The following MX1 variants were observed in gnomAD, a reference collection of about 807,000 sequenced individuals.
MX1 encodes the protein interferon-induced GTP-binding protein Mx1.
Under a neutral mutation model 66.4 loss-of-function variants are expected in MX1, and 66 were observed. That is an observed-to-expected ratio of 0.99 (90% CI 0.82 to 1.22). The LOEUF (loss-of-function observed/expected upper bound fraction) is 1.22, where lower values mean the gene tolerates loss of function less well. Among genes scored for constraint, MX1 ranks in the 50% most tolerant of loss-of-function variants. The pLI, the probability that MX1 is intolerant of heterozygous loss-of-function variation, is 0.00. For missense variants in MX1, 787 were observed against 834.3 expected (o/e 0.94, Z 0.70); for synonymous variants, 311 against 318.1 (o/e 0.98, Z 0.24).
At chr21:41,426,977 C>CG (rs1435793485) in intron 1 of MX1, 1 of 152,258 alleles carries the variant, frequency 6.6e-6, no homozygotes, top group African/African-American at 2.4e-5. Flanking sequence ...AGGACAGTCC[C>CG]GGGGGTGGCA....
intron 11 of MX1, among the ~76,000 whole-genome samples, chr21:41,445,126 A>G (rs1397673506): frequency 1.3e-5 from 2 of 152,182 alleles, no homozygotes; most frequent in African/African-American, 2.4e-5. Flanking sequence ...GTCTCCCTCC[A>G]GAGAGTTTAC....
At chr21:41,442,003 T>C (rs2090530784) in intron 10 of MX1, 89 bp downstream of exon 10, 9 of 1,034,648 alleles carry the variant, frequency 8.7e-6, no homozygotes, top group Non-Finnish European at 1.3e-5. Flanking sequence ...CACAGATGTG[T>C]GGAGTGTGTG....
At chr21:41,426,602 GC>G in intron 1 of MX1, 1 of 152,338 alleles carries the variant, frequency 6.6e-6, no homozygotes, top group Non-Finnish European at 1.5e-5. Context: ...ACTCTAGTAA[GC>G]GGGGAAGGGC....
chr21:41,423,686 T>C (rs1267167357), upstream of MX1, among the ~76,000 whole-genome samples: 1 of 152,134 alleles, frequency 6.6e-6, no homozygotes, highest in East Asian at 1.9e-4. Context: ...ACATGCTCAG[T>C]AGACAGGAGC....
chr21:41,430,898 A>G (rs2090191785), intron 4 of MX1, among the ~76,000 whole-genome samples: 1 of 152,262 alleles, frequency 6.6e-6, no homozygotes, highest in Non-Finnish European at 1.5e-5. Context: ...GAAAGAGCAT[A>G]AAAGATTTAG....
rs142550630 is a variant in MX1 at position 41,458,688 on chromosome 21, G to A, written c.1919G>A (p.Arg640Gln). The change falls in exon 17 of 17, where the codon CGG becomes CAG. Residue 640 changes from arginine (R) to glutamine (Q), a missense_variant. Arg to Gln is a conservative substitution (Grantham distance 43, BLOSUM62 1). Transcript: ENST00000398598. ...GAGCGGAGCGACACCAGCGACAAGC[G>A]GAAGTTCCTGAAGGAGCGGCTTGCA... ...LKERSDTSDK[R>Q]KFLKERLARL... The A allele has an allele frequency of 4.3e-6, 7 of 1,614,052 alleles. No individual in the cohort carries two copies. The highest frequency in any genetic ancestry group is 2.7e-5 in the African/African-American group (2 of 74,948).
chr21:41,446,085 G>T lies in MX1; in HGVS notation c.1217G>T (p.Arg406Ile), dbSNP rs1294667815. Residue 406 changes from arginine (R) to isoleucine (I), a missense_variant, in exon 13 of 17, where the codon AGA (arginine) becomes ATA (isoleucine). Arg to Ile is a moderately conservative substitution (Grantham distance 97). Coordinates refer to ENST00000398598, the MANE Select transcript of MX1 (RefSeq NM_002462.5). ...GAGGAAGACATTCGGCTGTTTACCA[G>T]ACTCCGACACGAGTTCCACAAATGG... is the stretch of plus-strand genomic sequence containing the variant. ...VGEEDIRLFT[R>I]LRHEFHKWST... 1 of 1,614,072 alleles carries T rather than the reference G, an allele frequency of 6.2e-7. No homozygotes were observed. Among genetic ancestry groups the T allele is most frequent in the African/African-American group, 1.3e-5 (1 of 74,920 alleles).
rs1329281598 is a variant in MX1 at position 41,441,002 on chromosome 21, A to G, written c.707A>G (p.Asp236Gly). The G allele has an allele frequency of 6.2e-7, 1 of 1,613,918 alleles. No individual in the cohort carries two copies. Residue 236 changes from aspartate (D) to glycine (G), a missense_variant, in exon 9 of 17, where the codon GAC becomes GGC. By Grantham distance (94) the Asp-to-Gly change is moderately conservative (BLOSUM62 -1). Transcript: ENST00000398598. This position sits in a 1 kb window ranked among gnomAD's most constrained non-coding sequence, Gnocchi z 4.0. ...GCTCTCAGCATGGCCCAGGAGGTGG[A>G]CCCCGAGGGAGACAGGACCATCGGT... ...TEALSMAQEV[D>G]PEGDRTIGIL...
chr21:41,431,498 CAG>C (rs1232089970), intron 4 of MX1, among the ~76,000 whole-genome samples: 25 of 139,462 alleles, frequency 1.8e-4, no homozygotes, highest in Admixed American at 1.6e-3. Flanking sequence ...TTTTTTGAGA[CAG>C]AGTCTTGCTC....
At chr21:41,456,604 C>T (rs2090964936) in intron 16 of MX1, among the ~76,000 whole-genome samples, 2 of 152,190 alleles carry the variant, frequency 1.3e-5, no homozygotes, top group South Asian at 4.1e-4. Context: ...TTGATGGAAT[C>T]ACTGGGGACT....
In MX1 at chr21:41,452,652, A is replaced by G. The variant is rs144883385; in HGVS notation, c.1541A>G (p.Glu514Gly). 1,497 of 1,614,134 alleles carry G rather than the reference A, an allele frequency of 9.3e-4. 4 individuals carry two copies. The highest frequency in any genetic ancestry group is 1.2e-3 in the Non-Finnish European group (1,358 of 1,180,012). ...SKIEDIRAEQ[E>G]REGEKLIRLH... is the part of the protein sequence containing the mutation. ...ATTGAAGACATTAGAGCAGAACAAG[A>G]GAGAGAAGGTGAGAAGCTGATCCGC... Residue 514 changes from glutamate to glycine, a missense_variant, in exon 16 of 17, where the codon GAG becomes GGG. Physicochemically the swap from Glu to Gly is moderately conservative, Grantham distance 98. Transcript: ENST00000398598.
chr21:41,444,392 T>C (rs2090606052), intron 11 of MX1, among the ~76,000 whole-genome samples: 1 of 146,138 alleles, frequency 6.8e-6, no homozygotes, highest in African/African-American at 2.5e-5. Flanking sequence ...AGTGGTGTGA[T>C]CTCAGCTCAC....
intron 10 of MX1, among the ~76,000 whole-genome samples, chr21:41,442,272 T>G (rs2090543396): frequency 6.6e-6 from 1 of 152,156 alleles, no homozygotes; most frequent in African/African-American, 2.4e-5. Flanking sequence ...GACCTAGATA[T>G]ATATATTTGA....
At chr21:41,436,970 C>G in intron 6 of MX1, 45 bp from the exon 7 acceptor site, 1 of 1,608,342 alleles carries the variant, frequency 6.2e-7, no homozygotes, top group Non-Finnish European at 8.5e-7. Flanking sequence ...CTATGTAGGT[C>G]TTTTAAGAGC....
At chr21:41,451,285 A>T (rs1293689999) in intron 15 of MX1, 42 bp downstream of exon 15, 4 of 1,270,168 alleles carry the variant, frequency 3.1e-6, no homozygotes, top group Non-Finnish European at 4.5e-6. Context: ...AAAAGAAAAG[A>T]AATTAAGCTT....
At chr21:41,456,025 T>C (rs1028583560) in intron 16 of MX1, among the ~76,000 whole-genome samples, 2 of 152,154 alleles carry the variant, frequency 1.3e-5, no homozygotes, top group African/African-American at 4.8e-5. Flanking sequence ...GTGGATCTCT[T>C]GAGGCCAGGA....
At chr21:41,454,812 G>A (rs1219373715) in intron 16 of MX1, among the ~76,000 whole-genome samples, 3 of 152,124 alleles carry the variant, frequency 2.0e-5, no homozygotes, top group African/African-American at 7.2e-5. Flanking sequence ...TTTAAAGCAG[G>A]GCCTCTCAAA....
Position 41,441,548 on chromosome 21 carries a change from T to A in MX1, c.731-168T>A. 1 of 678,796 alleles carries A rather than the reference T, an allele frequency of 1.5e-6. No homozygotes were observed. The highest frequency in any genetic ancestry group is 1.8e-5 in the South Asian group (1 of 56,400). The allele number at this position is 678,796 out of a possible 1,614,324, so 42.0% of individuals were successfully genotyped here. On this transcript the variant is annotated intron_variant, in intron 9 of 16. Transcript: ENST00000398598. This position sits in a 1 kb window ranked among gnomAD's most constrained non-coding sequence, Gnocchi z 4.0. The stretch of plus-strand genomic sequence containing the variant: ...GCCTTCACGCGGCTTGTCGTGGAGT[T>A]CTTTTCTGGAGCGGGGCTCCACTGC...
chr21:41,425,629 ATTTAT>A (rs2090044545), upstream of MX1, among the ~76,000 whole-genome samples: 1 of 152,004 alleles, frequency 6.6e-6, no homozygotes, highest in African/African-American at 2.4e-5. Flanking sequence ...TTACTATTTT[ATTTAT>A]TTTATTTTAT....
Sources: gnomAD v4.1 joint callset for allele counts (sites outside exome capture counted in the v4.1 genomes callset) on GRCh38, gnomAD v4.1.1 for gene constraint, Gnocchi (gnomAD v3.1) non-coding constraint, MANE v1.5 for transcripts, NCBI Gene and HGNC (gene_info 2026-07-23, HGNC 2026-07-21) for gene names.